The following CDH13 variants were observed in gnomAD, a reference collection of about 807,000 sequenced individuals.
CDH13 encodes cadherin 13, also known as cadherin-13.
A neutral mutation model predicts 63.8 loss-of-function variants in CDH13; 24 were observed. The ratio of observed to expected loss-of-function variants is 0.38; its 90% CI spans 0.27 to 0.53. CDH13 has a LOEUF of 0.53. Among genes scored for constraint, CDH13 ranks in the 20% least tolerant of loss-of-function variants. The pLI is 0.85. For missense variants in CDH13, 1,049 were observed against 903.1 expected (o/e 1.16, Z -2.07); for synonymous variants, 503 against 355.3 (o/e 1.42, Z -4.67).
At chr16:83,523,938 C>G (rs1444433866) in intron 7 of CDH13, among the ~76,000 whole-genome samples, 2 of 152,142 alleles carry the variant, frequency 1.3e-5, no homozygotes, top group African/African-American at 2.4e-5. Flanking sequence ...CTGCACCAGC[C>G]CAGATGGAGA....
At chr16:82,673,290 CCATT>C (rs753617927) in intron 1 of CDH13, among the ~76,000 whole-genome samples, 1 of 152,092 alleles carries the variant, frequency 6.6e-6, no homozygotes, top group Non-Finnish European at 1.5e-5. Context: ...ATTCATTCAA[CCATT>C]CATTCATTCA....
intron 7 of CDH13, among the ~76,000 whole-genome samples, chr16:83,579,374 G>T (rs1905334151): frequency 6.6e-6 from 1 of 152,176 alleles, no homozygotes; most frequent in South Asian, 2.1e-4. Flanking sequence ...AGTTCCACAG[G>T]CTGTACGGGA....
chr16:83,097,923 C>T (rs1019242943), intron 3 of CDH13, among the ~76,000 whole-genome samples: 8 of 151,980 alleles, frequency 5.3e-5, no homozygotes, highest in African/African-American at 1.9e-4. Flanking sequence ...CCACCTAGTA[C>T]CTACTCTGTA....
intron 5 of CDH13, among the ~76,000 whole-genome samples, chr16:83,327,291 C>G (rs1376654492): frequency 2.0e-5 from 3 of 152,202 alleles, no homozygotes; most frequent in Non-Finnish European, 4.4e-5. Flanking sequence ...GTGACAATAA[C>G]TTCACTGAGC....
chr16:82,825,036 G>A (rs1424355927), intron 1 of CDH13: 1 of 152,190 alleles, frequency 6.6e-6, no homozygotes, highest in South Asian at 2.1e-4. Flanking sequence ...GTGGATGTGT[G>A]CTCAGGTGAG....
intron 11 of CDH13, among the ~76,000 whole-genome samples, chr16:83,758,641 C>G (rs1199202431): frequency 2.0e-5 from 3 of 152,206 alleles, no homozygotes; most frequent in African/African-American, 7.2e-5. Flanking sequence ...CTAAAATAAT[C>G]TAAAAGAATT....
intron 2 of CDH13, among the ~76,000 whole-genome samples, chr16:83,022,274 G>T (rs1323956335): frequency 6.6e-6 from 1 of 152,204 alleles, no homozygotes; most frequent in Non-Finnish European, 1.5e-5. Flanking sequence ...GGACCTTCAT[G>T]CTGAGGAAGA....
At chr16:82,976,544 C>T (rs933896899) in intron 2 of CDH13, among the ~76,000 whole-genome samples, 1 of 152,122 alleles carries the variant, frequency 6.6e-6, no homozygotes, top group Non-Finnish European at 1.5e-5. Context: ...GTGCTAAGTG[C>T]TCCATGTGCA....
intron 3 of CDH13, among the ~76,000 whole-genome samples, chr16:83,095,879 C>T (rs1254930013): frequency 6.6e-6 from 1 of 152,096 alleles, no homozygotes; most frequent in Non-Finnish European, 1.5e-5. Flanking sequence ...CTGAGAGAAG[C>T]CCATAAAACA....
At chr16:83,227,224 TG>T (rs1448212411) in intron 5 of CDH13, among the ~76,000 whole-genome samples, 1 of 152,118 alleles carries the variant, frequency 6.6e-6, no homozygotes. Flanking sequence ...ATTACACAGT[TG>T]GAAAGAGAGG....
At chr16:82,936,682 T>C (rs190286414) in intron 2 of CDH13, among the ~76,000 whole-genome samples, 1 of 152,324 alleles carries the variant, frequency 6.6e-6, no homozygotes, top group Non-Finnish European at 1.5e-5. Flanking sequence ...AACGTTCATA[T>C]TGAAACATTT....
intron 1 of CDH13, among the ~76,000 whole-genome samples, chr16:82,842,436 C>T (rs1421124193): frequency 6.6e-6 from 1 of 151,830 alleles, no homozygotes; most frequent in Non-Finnish European, 1.5e-5. Context: ...CTGTACCACT[C>T]TTTATTTGTT....
chr16:83,308,739 T>A (rs1432977772), intron 5 of CDH13, among the ~76,000 whole-genome samples: 1 of 152,172 alleles, frequency 6.6e-6, no homozygotes, highest in Admixed American at 6.5e-5. Context: ...TCTCCATATG[T>A]GGGAAGTTCA....
chr16:83,624,068 C>T (rs901694540), intron 8 of CDH13, among the ~76,000 whole-genome samples: 1 of 152,142 alleles, frequency 6.6e-6, no homozygotes, highest in African/African-American at 2.4e-5. Context: ...CGTCTAAGCC[C>T]TCAGACAATG....
intron 1 of CDH13, among the ~76,000 whole-genome samples, chr16:82,634,722 T>A (rs1284717918): frequency 2.0e-5 from 3 of 152,228 alleles, no homozygotes; most frequent in African/African-American, 7.2e-5. Flanking sequence ...ACTCTTTATC[T>A]AACTTAAAGT....
chr16:83,438,813 T>C (rs537624990), intron 6 of CDH13, among the ~76,000 whole-genome samples: 2 of 152,336 alleles, frequency 1.3e-5, no homozygotes, highest in Admixed American at 1.3e-4. Flanking sequence ...TGCCAGAAAG[T>C]CTATGCAGCA....
chr16:83,101,580 G>T (rs537124617), intron 3 of CDH13, among the ~76,000 whole-genome samples: 3 of 152,222 alleles, frequency 2.0e-5, no homozygotes, highest in African/African-American at 7.2e-5. Context: ...AATCACATGA[G>T]GTCAGGAGTT....
rs190265613 is a variant in CDH13, at chr16:83,175,163, A to T, written c.484-42182A>T. On this transcript the variant is annotated intron_variant, in intron 4 of 13. Transcript: ENST00000567109. ...ATCATCATAGAAAGCTCTCTTGGACAGCCCTATTCTAGATGCTTTATTCTC... is the reference window on the plus strand; with the variant it reads ...ATCATCATAGAAAGCTCTCTTGGACTGCCCTATTCTAGATGCTTTATTCTC... Among the ~76,000 whole-genome samples the T allele has an allele frequency of 8.1e-4, 124 of 152,264 alleles. 1 individual carries two copies. The highest frequency in any genetic ancestry group is 3.0e-3 in the African/African-American group (123 of 41,566).
In CDH13 at chr16:83,113,410, A is replaced by G. The variant is rs146423538; in HGVS notation, c.367-11975A>G. Among the ~76,000 whole-genome samples, 183 of 152,350 alleles carry G rather than the reference A, an allele frequency of 1.2e-3. 1 individual carries two copies. The highest frequency in any genetic ancestry group is 4.2e-3 in the African/African-American group (174 of 41,580). ...TTACTCAAATTCTTACAATAACTCT[A>G]TATTTATTTCATAATTGCTTTATTT... On this transcript the variant is annotated intron_variant, in intron 3 of 13. Coordinates refer to ENST00000567109, the MANE Select transcript of CDH13 (RefSeq NM_001257.5).
Sources: allele counts gnomAD v4.1 joint callset (sites outside exome capture counted in the v4.1 genomes callset), GRCh38; gene constraint gnomAD v4.1.1; transcripts MANE v1.5; gene names NCBI Gene and HGNC (gene_info 2026-07-23, HGNC 2026-07-21).